The following ATP2C2 variants were observed in gnomAD, a reference collection of about 807,000 sequenced individuals.
The protein encoded by ATP2C2 is calcium-transporting ATPase type 2C member 2.
Under a neutral mutation model 110.8 loss-of-function variants are expected in ATP2C2, and 171 were observed. That is an observed-to-expected ratio of 1.54 (90% CI 1.36 to 1.75). The LOEUF (loss-of-function observed/expected upper bound fraction) is 1.75, where lower values mean the gene tolerates loss of function less well. Ranked by LOEUF, ATP2C2 falls within the 40% of genes most tolerant of loss-of-function variation. The pLI is 0.00. For synonymous variants in ATP2C2, 804 were observed against 508.4 expected (o/e 1.58, Z -7.82); for missense variants, 1,963 against 1,235.0 (o/e 1.59, Z -8.84).
intron 18 of ATP2C2, among the ~76,000 whole-genome samples, chr16:84,452,488 C>G (rs1910377720): frequency 7.2e-6 from 1 of 138,954 alleles, no homozygotes; most frequent in African/African-American, 2.7e-5. Flanking sequence ...AGCCCTTCTC[C>G]TCTAGTTACT....
chr16:84,450,153 G>C (rs765116422), intron 17 of ATP2C2, among the ~76,000 whole-genome samples: 5 of 152,210 alleles, frequency 3.3e-5, no homozygotes, highest in Non-Finnish European at 7.4e-5. Flanking sequence ...TCTTCCCCCA[G>C]TGTACACGCA....
chr16:84,425,959 G>A (rs1320689523), intron 11 of ATP2C2, 158 bp downstream of exon 11: 7 of 799,770 alleles, frequency 8.8e-6, no homozygotes, highest in Admixed American at 2.1e-5. Flanking sequence ...CATGTTCTCC[G>A]ACAGGTACAG....
chr16:84,389,428 G>A (rs8048576), intron 1 of ATP2C2, among the ~76,000 whole-genome samples: 25,741 of 152,228 alleles, frequency 0.17, 2,506 homozygotes, highest in East Asian at 0.36. Context: ...CTCTGGTGTC[G>A]TCAGATTTAC....
At chr16:84,443,865 G>T (rs944814770) in intron 15 of ATP2C2, among the ~76,000 whole-genome samples, 3 of 152,140 alleles carry the variant, frequency 2.0e-5, no homozygotes, top group Non-Finnish European at 4.4e-5. Flanking sequence ...CTTTTCCCCA[G>T]TGTAAGAACA....
chr16:84,463,333 T>A (rs557151434), intron 26 of ATP2C2, among the ~76,000 whole-genome samples: 1 of 151,900 alleles, frequency 6.6e-6, no homozygotes, highest in Non-Finnish European at 1.5e-5. Context: ...GGAAACTCAT[T>A]CCCCTTCCAG....
At chr16:84,385,199 G>T (rs904378741) in intron 1 of ATP2C2, among the ~76,000 whole-genome samples, 1 of 152,164 alleles carries the variant, frequency 6.6e-6, no homozygotes, top group Non-Finnish European at 1.5e-5. Flanking sequence ...ATGGTGGAAG[G>T]CAAAGGAGGA....
intron 2 of ATP2C2, among the ~76,000 whole-genome samples, chr16:84,401,352 G>T (rs1478192899): frequency 2.0e-5 from 3 of 150,822 alleles, no homozygotes; most frequent in African/African-American, 7.3e-5. Flanking sequence ...GCCTCCTGTA[G>T]TAGCTGGGAT....
At chr16:84,400,810 T>C (rs995556283) in intron 2 of ATP2C2, among the ~76,000 whole-genome samples, 1 of 152,236 alleles carries the variant, frequency 6.6e-6, no homozygotes, top group African/African-American at 2.4e-5. Flanking sequence ...TTTGCATTTC[T>C]CTGATCACAG....
At chr16:84,377,530 CTT>C (rs1910318570) in intron 1 of ATP2C2, among the ~76,000 whole-genome samples, 1 of 152,072 alleles carries the variant, frequency 6.6e-6, no homozygotes, top group Non-Finnish European at 1.5e-5. Flanking sequence ...ACATGGCTGC[CTT>C]CCCTGTGTCT....
intron 1 of ATP2C2, among the ~76,000 whole-genome samples, chr16:84,385,697 C>T (rs140044227): frequency 1.1e-4 from 16 of 152,302 alleles, no homozygotes; most frequent in African/African-American, 3.9e-4. Context: ...TGGCGGAAGG[C>T]ACCTCTTCAC....
rs201953141 is a variant in ATP2C2 at position 84,459,283 on chromosome 16, C to T, written c.2230C>T (p.Leu744=). 4.2e-5 allele frequency: 67 copies of T among 1,614,224 alleles called. No individual in the cohort carries two copies. In the East Asian group the frequency reaches 1.5e-3, roughly 35 times the overall value. ...RFQLSTSISA[L]SLITLSTVFN... is the part of the protein sequence containing the mutation. ...TGTGCCCCGCAGGAGCATCTCCGCC[C>T]TGAGTCTCATCACTCTGTCCACCGT... is the stretch of plus-strand genomic sequence containing the variant. Residue 744 remains leucine (L), a synonymous_variant, in exon 23 of 27, where the codon CTG becomes TTG. Coordinates refer to ENST00000262429, the MANE Select transcript of ATP2C2 (RefSeq NM_014861.4).
chr16:84,405,323 T>G (rs1163115060), intron 3 of ATP2C2, 79 bp downstream of exon 3: 1 of 1,226,316 alleles, frequency 8.2e-7, no homozygotes, highest in East Asian at 2.4e-5. Context: ...CTTTCAATGT[T>G]GATGGAAGGC....
intron 1 of ATP2C2, among the ~76,000 whole-genome samples, chr16:84,394,053 C>A (rs1904828466): frequency 6.6e-6 from 1 of 151,434 alleles, no homozygotes; most frequent in Non-Finnish European, 1.5e-5. Flanking sequence ...ATGACACACA[C>A]CTGTAGTCCT....
intron 1 of ATP2C2, among the ~76,000 whole-genome samples, chr16:84,382,840 G>T (rs1296133893): frequency 3.4e-5 from 5 of 148,800 alleles, no homozygotes; most frequent in Non-Finnish European, 7.4e-5. Flanking sequence ...AGGTTGCAGT[G>T]AGCTGAGATC....
chr16:84,451,895 C>G (rs371316585), intron 17 of ATP2C2, 26 bp from the exon 18 acceptor site: 4 of 1,596,632 alleles, frequency 2.5e-6, no homozygotes, highest in Non-Finnish European at 2.6e-6. Flanking sequence ...CCCGGTGACC[C>G]CTCCTTACTC....
chr16:84,425,002 C>T (rs1474715675), intron 10 of ATP2C2, among the ~76,000 whole-genome samples: 1 of 152,126 alleles, frequency 6.6e-6, no homozygotes, highest in Non-Finnish European at 1.5e-5. Context: ...GCTAAGATTT[C>T]AGCTGATGAC....
intron 20 of ATP2C2, among the ~76,000 whole-genome samples, chr16:84,454,224 C>T (rs1452037317): frequency 1.3e-5 from 2 of 152,116 alleles, no homozygotes; most frequent in Non-Finnish European, 2.9e-5. Context: ...GAGAATTAAA[C>T]AAAGCCAGGC....
intron 1 of ATP2C2, among the ~76,000 whole-genome samples, chr16:84,377,085 G>A (rs1256775009): frequency 2.0e-5 from 3 of 152,210 alleles, no homozygotes; most frequent in Non-Finnish European, 4.4e-5. Context: ...AGTAGTGGAA[G>A]TCGTGTGCTA....
At chr16:84,450,525 C>G (rs79932104) in intron 17 of ATP2C2, among the ~76,000 whole-genome samples, 4,708 of 152,150 alleles carry the variant, frequency 0.031, 249 homozygotes, top group African/African-American at 0.11. Flanking sequence ...TAGGTGGCCA[C>G]TAGAAGCAGG....
Sources: allele counts gnomAD v4.1 joint callset (sites outside exome capture counted in the v4.1 genomes callset), GRCh38; gene constraint gnomAD v4.1.1; transcripts MANE v1.5; gene names NCBI Gene and HGNC (gene_info 2026-07-23, HGNC 2026-07-21).